The following EPN2 variants were observed in gnomAD, a reference collection of about 807,000 sequenced individuals.
EPN2 encodes epsin 2, also known as epsin-2.
A neutral mutation model predicts 61.7 loss-of-function variants in EPN2; 34 were observed. The ratio of observed to expected loss-of-function variants is 0.55; its 90% CI spans 0.42 to 0.73. EPN2 has a LOEUF of 0.73. EPN2 is among the 30% of genes least tolerant of loss of function. The pLI, the probability that EPN2 is intolerant of heterozygous loss-of-function variation, is 0.00. For missense variants in EPN2, 714 were observed against 839.2 expected, an observed-to-expected ratio of 0.85 and a Z score of 1.84; for synonymous variants, 349 against 353.6, an observed-to-expected ratio of 0.99 and a Z score of 0.15.
chr17:19,332,046 C>T lies in EPN2; in HGVS notation c.1605C>T (p.Ser535=), dbSNP rs759700540. The T allele has an allele frequency of 2.0e-5, 33 of 1,611,472 alleles. No homozygotes were observed. The South Asian group carries it at 2.1e-4, about 10-fold the overall frequency. The change falls in exon 10 of 11, where the codon TCC becomes TCT. Residue 535 remains serine (S), a synonymous_variant. Coordinates refer to ENST00000314728, the MANE Select transcript of EPN2 (RefSeq NM_014964.5). ...CCAGGCCTGCCCCACCAGCCCAGTC[C>T]CTCAACCCTTTCCTGGCACCAGGTA... The part of the protein sequence containing the change: ...LVTRPAPPAQ[S]LNPFLAPGAP...
chr17:19,329,658 G>A lies in EPN2; in HGVS notation c.1411+11G>A, dbSNP rs780423773. ...CTTCAAAAAAAACAGGTATGTACAG[G>A]TGATGATGGTTTCCATAATCCTCCG... On this transcript the variant is annotated intron_variant, in intron 9 of 10. Coordinates refer to ENST00000314728, the MANE Select transcript of EPN2 (RefSeq NM_014964.5). 3 of 1,527,476 alleles carry A rather than the reference G, an allele frequency of 2.0e-6. No individual in the cohort carries two copies. Among genetic ancestry groups the A allele is most frequent in the Non-Finnish European group, 2.7e-6 (3 of 1,104,358 alleles). 94.6% of individuals were successfully genotyped at this position (1,527,476 alleles called of 1,614,324 possible).
intron 7 of EPN2, among the ~76,000 whole-genome samples, chr17:19,322,629 A>C (rs973429501): frequency 6.6e-6 from 1 of 151,968 alleles, no homozygotes. Context: ...GGTCCCAGCT[A>C]CTTGGGAGGC....
Position 19,260,867 on chromosome 17 carries a change from C to T in EPN2, c.-293-21088C>T, listed in dbSNP as rs982778557. ...TCCCTTTTCAGTAAATGAAAGATAG[C>T]ATTCTGTGTGTACTGTTCTTCATCT... On this transcript the variant is annotated intron_variant, in intron 1 of 10. Transcript: ENST00000314728. 2.0e-5 allele frequency among the ~76,000 whole-genome samples: 3 copies of T among 152,052 alleles called. No individual in the cohort carries two copies. The East Asian group carries it at 5.8e-4, about 29-fold the overall frequency.
chr17:19,264,127 A>G (rs1201350307), intron 1 of EPN2, among the ~76,000 whole-genome samples: 3 of 152,234 alleles, frequency 2.0e-5, no homozygotes, highest in Non-Finnish European at 4.4e-5. Flanking sequence ...CAGTGTAAAC[A>G]TTGTTTGAAC....
intron 4 of EPN2, among the ~76,000 whole-genome samples, chr17:19,296,087 C>T (rs1048644344): frequency 6.6e-6 from 1 of 152,104 alleles, no homozygotes; most frequent in Non-Finnish European, 1.5e-5. Flanking sequence ...CAGAGCTCCT[C>T]CCGCAAGTCC....
rs556631410 is a variant in EPN2, at chr17:19,329,889, A to G, written c.1411+242A>G. ...CCCCAAAGCTTCCTGCAGATTCCAC[A>G]GCCCCGGCCTCCTCAGCTCAGAGTG... is the stretch of plus-strand genomic sequence containing the variant. On this transcript the variant is annotated intron_variant, in intron 9 of 10. Coordinates refer to ENST00000314728, the MANE Select transcript of EPN2 (RefSeq NM_014964.5). Among the ~76,000 whole-genome samples, 26 of 152,316 alleles carry G rather than the reference A, an allele frequency of 1.7e-4. No homozygotes were observed. In the South Asian group the frequency reaches 3.5e-3, roughly 21 times the overall value.
intron 1 of EPN2, among the ~76,000 whole-genome samples, chr17:19,258,412 T>C (rs2045105142): frequency 6.6e-6 from 1 of 152,154 alleles, no homozygotes; most frequent in East Asian, 1.9e-4. Flanking sequence ...GACTCTGCCT[T>C]CCTGGGTGAG....
At chr17:19,257,224 C>G (rs2045089896) in intron 1 of EPN2, among the ~76,000 whole-genome samples, 2 of 151,898 alleles carry the variant, frequency 1.3e-5, no homozygotes, top group Non-Finnish European at 2.9e-5. Flanking sequence ...CTTTTTCCCC[C>G]TTCTTTGCCT....
At chr17:19,310,039 G>A (rs1333573100) in intron 5 of EPN2, 42 bp downstream of exon 5, 2 of 1,398,712 alleles carry the variant, frequency 1.4e-6, no homozygotes, top group Non-Finnish European at 2.0e-6. Flanking sequence ...GACTGCCCAT[G>A]CTCAGGGTGG....
intron 1 of EPN2, chr17:19,276,582 C>T (rs764368667): frequency 5.3e-5 from 8 of 151,812 alleles, no homozygotes; most frequent in Non-Finnish European, 1.0e-4. Flanking sequence ...TCTCACTTTA[C>T]ACCTTGCTGT....
intron 4 of EPN2, among the ~76,000 whole-genome samples, chr17:19,301,635 A>T (rs1905524836): frequency 6.6e-6 from 1 of 152,186 alleles, no homozygotes; most frequent in African/African-American, 2.4e-5. Context: ...CTCTTTGGTC[A>T]TGTGCCCTTG....
rs138805366 is a variant in EPN2, at chr17:19,328,419, G to A, written c.1148-292G>A. On this transcript the variant is annotated intron_variant, in intron 7 of 10. Transcript: ENST00000314728. ...GGAGCCCTTTGCAAGCCCCCTGTAT[G>A]GTGGGGAGCTTGGAGAGAACCTCTT... Among the ~76,000 whole-genome samples, 695 of 152,238 alleles carry A rather than the reference G, an allele frequency of 4.6e-3. 1 individual carries two copies. Among genetic ancestry groups the A allele is most frequent in the African/African-American group, 0.016 (661 of 41,518 alleles).
Position 19,239,915 on chromosome 17 carries a change from T to C in EPN2, c.-294+2384T>C, listed in dbSNP as rs72836759. Among the ~76,000 whole-genome samples the C allele has an allele frequency of 1.9e-3, 283 of 152,254 alleles. 1 individual carries two copies. The highest frequency in any genetic ancestry group is 3.1e-3 in the Non-Finnish European group (210 of 68,022). Reference sequence around the variant, plus strand: ...TGTTATCACTAACCCTCTTCCATAATGAGCGGAGGATTTCCCAAGAATTGG... The same window carrying C: ...TGTTATCACTAACCCTCTTCCATAACGAGCGGAGGATTTCCCAAGAATTGG... On this transcript the variant is annotated intron_variant, in intron 1 of 10. Coordinates refer to ENST00000314728, the MANE Select transcript of EPN2 (RefSeq NM_014964.5).
intron 1 of EPN2, among the ~76,000 whole-genome samples, chr17:19,269,528 C>A (rs1440228560): frequency 2.6e-5 from 4 of 152,306 alleles, no homozygotes; most frequent in East Asian, 1.9e-4. Flanking sequence ...CTGAAGAACA[C>A]GTTTTTAGGA....
At chr17:19,242,134 A>G (rs1250731726) in intron 1 of EPN2, among the ~76,000 whole-genome samples, 1 of 148,668 alleles carries the variant, frequency 6.7e-6, no homozygotes, top group Non-Finnish European at 1.5e-5. Context: ...TTTGATCTGA[A>G]AAAAAAAAAA....
At chr17:19,298,048 G>A (rs1325218883) in intron 4 of EPN2, among the ~76,000 whole-genome samples, 1 of 151,618 alleles carries the variant, frequency 6.6e-6, no homozygotes, top group African/African-American at 2.4e-5. Context: ...GCTAATTTTT[G>A]TATTTTTAGT....
chr17:19,304,498 G>A (rs963658757), intron 4 of EPN2, among the ~76,000 whole-genome samples: 1 of 152,210 alleles, frequency 6.6e-6, no homozygotes, highest in Non-Finnish European at 1.5e-5. Flanking sequence ...GGAGGCCTGG[G>A]AAGGGCCACG....
intron 4 of EPN2, among the ~76,000 whole-genome samples, chr17:19,294,029 G>T (rs1451725339): frequency 6.6e-6 from 1 of 151,800 alleles, no homozygotes; most frequent in Non-Finnish European, 1.5e-5. Flanking sequence ...GGCAGAGGTT[G>T]CAGTGAGCTG....
intron 1 of EPN2, among the ~76,000 whole-genome samples, chr17:19,279,447 T>C (rs2045339208): frequency 6.6e-6 from 1 of 151,776 alleles, no homozygotes; most frequent in Admixed American, 6.6e-5. Flanking sequence ...TTTTTTTGTT[T>C]TTTTTTTTTG....
Sources: allele counts gnomAD v4.1 joint callset (sites outside exome capture counted in the v4.1 genomes callset), GRCh38; gene constraint gnomAD v4.1.1; transcripts MANE v1.5; gene names NCBI Gene and HGNC (gene_info 2026-07-23, HGNC 2026-07-21).